GPC5: variants seen among roughly 807,000 people sequenced by gnomAD.
GPC5 encodes the protein glypican-5.
A neutral mutation model predicts 53.9 loss-of-function variants in GPC5; 47 were observed. That is an observed-to-expected ratio of 0.87 (90% confidence interval 0.69 to 1.11). The LOEUF is 1.11. Among genes scored for constraint, GPC5 ranks in the 50% most tolerant of loss-of-function variants. The pLI is 0.00. For missense variants in GPC5, 748 were observed against 713.1 expected, an observed-to-expected ratio of 1.05 and a Z score of -0.56; for synonymous variants, 286 against 263.3, an observed-to-expected ratio of 1.09 and a Z score of -0.84.
intron 7 of GPC5, among the ~76,000 whole-genome samples, chr13:92,863,534 C>T (rs111979552): frequency 6.6e-6 from 1 of 152,272 alleles, no homozygotes; most frequent in Non-Finnish European, 1.5e-5. Context: ...GTTCTTGCTG[C>T]CCAGGCTGGA....
At chr13:92,119,488 C>T (rs1594770675) in intron 6 of GPC5, among the ~76,000 whole-genome samples, 1 of 148,322 alleles carries the variant, frequency 6.7e-6, no homozygotes, top group Non-Finnish European at 1.5e-5. Flanking sequence ...AGGCTCCGCC[C>T]CCCGGGGTTC....
At chr13:91,850,484 C>G (rs950943316) in intron 5 of GPC5, among the ~76,000 whole-genome samples, 2 of 152,126 alleles carry the variant, frequency 1.3e-5, no homozygotes, top group African/African-American at 4.8e-5. Context: ...CCCTCTGCAA[C>G]ACCTATATGT....
At chr13:91,733,812 C>T (rs74490043) in intron 4 of GPC5, among the ~76,000 whole-genome samples, 5 of 152,038 alleles carry the variant, frequency 3.3e-5, no homozygotes, top group Admixed American at 6.6e-5. Context: ...ATCTGAATAC[C>T]CTTTATTTCT....
At chr13:91,760,122 A>G (rs551795884) in intron 5 of GPC5, among the ~76,000 whole-genome samples, 1 of 152,234 alleles carries the variant, frequency 6.6e-6, no homozygotes, top group East Asian at 1.9e-4. Flanking sequence ...TAATTCTCAA[A>G]AAAAAGTAAA....
At chr13:92,194,712 A>G (rs2139052162) in intron 7 of GPC5, among the ~76,000 whole-genome samples, 1 of 152,282 alleles carries the variant, frequency 6.6e-6, no homozygotes, top group African/African-American at 2.4e-5. Flanking sequence ...ATAAAACTGA[A>G]ATGTAAAAGG....
intron 7 of GPC5, among the ~76,000 whole-genome samples, chr13:92,347,874 AATATATATTATATATATT>A (rs1566549729): frequency 4.5e-4 from 3 of 6,642 alleles, no homozygotes; most frequent in African/African-American, 2.7e-3. Context: ...TTATATATAT[AATATATATTATATATATT>A]ATATATATAA....
At chr13:91,770,710 G>A (rs919528001) in intron 5 of GPC5, among the ~76,000 whole-genome samples, 1 of 150,610 alleles carries the variant, frequency 6.6e-6, no homozygotes, top group African/African-American at 2.4e-5. Context: ...GTGTTTGTGT[G>A]TGTGTGTGTG....
At chr13:92,855,289 C>T (rs1878959232) in intron 7 of GPC5, among the ~76,000 whole-genome samples, 2 of 151,718 alleles carry the variant, frequency 1.3e-5, no homozygotes, top group African/African-American at 2.4e-5. Flanking sequence ...ATGTATACAT[C>T]CTATATTAAT....
chr13:91,595,995 A>G (rs1361898346), intron 2 of GPC5, among the ~76,000 whole-genome samples: 3 of 152,190 alleles, frequency 2.0e-5, no homozygotes, highest in East Asian at 3.9e-4. Flanking sequence ...TTCTCTTTGT[A>G]GTTCAAGTAT....
At chr13:92,166,952 T>TCACACA (rs1414492988) in intron 7 of GPC5, among the ~76,000 whole-genome samples, 2 of 63,260 alleles carry the variant, frequency 3.2e-5, no homozygotes, top group African/African-American at 1.1e-4. Context: ...TCTCTCTCTC[T>TCACACA]CTCTCACACA....
intron 7 of GPC5, among the ~76,000 whole-genome samples, chr13:92,435,684 G>A (rs9561043): frequency 0.14 from 20,528 of 152,042 alleles, 1,811 homozygotes; most frequent in East Asian, 0.47. Context: ...TGATTACAAA[G>A]GAATGAAAAA....
chr13:92,521,415 G>C (rs188064765), intron 7 of GPC5, among the ~76,000 whole-genome samples: 5 of 152,110 alleles, frequency 3.3e-5, no homozygotes, highest in African/African-American at 7.2e-5. Context: ...CATGGTACTC[G>C]TACCAAAACA....
In GPC5 at chr13:91,429,299, T is replaced by C. The variant is rs568566974; in HGVS notation, c.164-19462T>C. 3.9e-5 allele frequency among the ~76,000 whole-genome samples: 6 copies of C among 152,358 alleles called. No homozygotes were observed. In the East Asian group the frequency reaches 9.6e-4, roughly 24 times the overall value. On this transcript the variant is annotated intron_variant, in intron 1 of 7. Coordinates refer to ENST00000377067, the MANE Select transcript of GPC5 (RefSeq NM_004466.6). The stretch of plus-strand genomic sequence containing the variant: ...CTAATACAGATGACTGGATTTTTTT[T>C]CATGCTTTTTTTGTTTGTCTTTAAC...
intron 2 of GPC5, among the ~76,000 whole-genome samples, chr13:91,451,753 G>T (rs577512267): frequency 3.7e-4 from 57 of 152,034 alleles, no homozygotes; most frequent in African/African-American, 1.3e-3. Flanking sequence ...GAGCAGCTGG[G>T]ATTACAGATG....
At chr13:92,795,884 A>G (rs896707941) in intron 7 of GPC5, among the ~76,000 whole-genome samples, 1 of 152,122 alleles carries the variant, frequency 6.6e-6, no homozygotes, top group Admixed American at 6.6e-5. Context: ...GAGGATGTGG[A>G]GAAACAGGAA....
chr13:92,265,776 C>T (rs945313946), intron 7 of GPC5, among the ~76,000 whole-genome samples: 1 of 152,120 alleles, frequency 6.6e-6, no homozygotes, highest in Non-Finnish European at 1.5e-5. Context: ...ACCAATTTGT[C>T]TTAGTCCATT....
rs545095001 is a variant in GPC5, at chr13:92,313,282, A to T, written c.1561+168293A>T. 2.0e-5 allele frequency among the ~76,000 whole-genome samples: 3 copies of T among 152,258 alleles called. No homozygotes were observed. In the East Asian group the frequency reaches 5.8e-4, roughly 29 times the overall value. On this transcript the variant is annotated intron_variant, in intron 7 of 7. Transcript: ENST00000377067. ...AAGTAGAACCTCATGCCAGTTCTCC[A>T]CTTTCCAAGAAATAACACACCAATA...
At chr13:92,670,571 T>A (rs1886712031) in intron 7 of GPC5, among the ~76,000 whole-genome samples, 1 of 152,214 alleles carries the variant, frequency 6.6e-6, no homozygotes, top group Admixed American at 6.6e-5. Context: ...TTTAGATGAT[T>A]TCTCATTCTT....
At chr13:92,493,298 G>A (rs186471865) in intron 7 of GPC5, among the ~76,000 whole-genome samples, 15 of 152,202 alleles carry the variant, frequency 9.9e-5, no homozygotes, top group African/African-American at 2.2e-4. Context: ...AATCATATTC[G>A]GAGAAATTAG....
Sources: allele counts gnomAD v4.1 joint callset (sites outside exome capture counted in the v4.1 genomes callset), GRCh38; gene constraint gnomAD v4.1.1; transcripts MANE v1.5; gene names NCBI Gene and HGNC (gene_info 2026-07-23, HGNC 2026-07-21).